Variants in SYT7 observed in about 807,000 individuals in gnomAD.
SYT7 encodes the protein synaptotagmin-7.
In SYT7, 29 loss-of-function variants were observed where a neutral mutation model predicts 75.1. The ratio of observed to expected loss-of-function variants is 0.39; its 90% CI spans 0.29 to 0.53. The LOEUF (loss-of-function observed/expected upper bound fraction) is 0.53. Ranked by LOEUF, SYT7 falls within the 20% of genes least tolerant of loss-of-function variation. SYT7 has a pLI of 0.77. For missense variants in SYT7, 693 were observed against 953.2 expected (o/e 0.73, Z 3.59); for synonymous variants, 376 against 401.7 (o/e 0.94, Z 0.76).
At chr11:61,532,827 G>A (rs903236569) in intron 8 of SYT7, among the ~76,000 whole-genome samples, 162 bp downstream of exon 8, 6 of 152,174 alleles carry the variant, frequency 3.9e-5, no homozygotes, top group African/African-American at 7.2e-5. Flanking sequence ...ACCAAGCGCC[G>A]AGTGGCCACC....
rs1253801626 is a variant in SYT7 at position 61,576,084 on chromosome 11, G to C, written c.31+4706C>G. Among the ~76,000 whole-genome samples the C allele has an allele frequency of 6.6e-6, 1 of 152,232 alleles. No individual in the cohort carries two copies. The highest frequency in any genetic ancestry group is 1.5e-5 in the Non-Finnish European group (1 of 68,048). On this transcript the variant is annotated intron_variant, in intron 1 of 12. Transcript: ENST00000539008. The surrounding 1 kb of genome is among the most constrained non-coding windows in gnomAD (Gnocchi z 4.1). ...CCCGCCTTCCAACCAACTGGACCTG[G>C]AATTCCAGGCCAAAGCTCTGGGCAC...
At chr11:61,541,199 C>T in intron 6 of SYT7, 1 of 985,742 alleles carries the variant, frequency 1.0e-6, no homozygotes, top group South Asian at 4.7e-5. Context: ...CTTCCCTTTC[C>T]TCCTCCCTTT....
In SYT7 at chr11:61,523,296, G is replaced by C; in HGVS notation, c.1757-22C>G. The C allele has an allele frequency of 6.2e-7, 1 of 1,610,714 alleles. No homozygotes were observed. Among genetic ancestry groups the C allele is most frequent in the Non-Finnish European group, 8.5e-7 (1 of 1,176,980 alleles). ...GGGTCTAGGGGAGGGAGTGGGGAAGGGTTAGAGGGACCGTGGGGGAGGGAC... is the reference window on the plus strand; with the variant it reads ...GGGTCTAGGGGAGGGAGTGGGGAAGCGTTAGAGGGACCGTGGGGGAGGGAC... On this transcript the variant is annotated intron_variant, in intron 11 of 12. Transcript: ENST00000539008. The surrounding 1 kb of genome is among the most constrained non-coding windows in gnomAD (Gnocchi z 5.0).
intron 1 of SYT7, among the ~76,000 whole-genome samples, chr11:61,573,586 T>C (rs1033403695): frequency 1.3e-5 from 2 of 152,262 alleles, no homozygotes; most frequent in African/African-American, 2.4e-5. Context: ...CTCCATGCCT[T>C]ACTTTTTAAA....
intron 6 of SYT7, chr11:61,541,398 A>C: frequency 8.5e-6 from 5 of 588,464 alleles, no homozygotes; most frequent in Non-Finnish European, 1.0e-5. Context: ...ATGTCCAGAG[A>C]GATGCTGGGG....
chr11:61,515,022 G>A lies in SYT7; in HGVS notation c.*3605C>T, dbSNP rs571812095. Among the ~76,000 whole-genome samples, 2 of 152,318 alleles carry A rather than the reference G, an allele frequency of 1.3e-5. No homozygotes were observed. Among genetic ancestry groups the A allele is most frequent in the East Asian group, 3.9e-4 (2 of 5,182 alleles). ...ACGTCAGGCTGGGTGACCCTGGAGG[G>A]CACCCCTGAGGCCTAGAGAGGACTC... On this transcript the variant is annotated 3_prime_UTR_variant, in exon 13 of 13. Coordinates refer to ENST00000539008, the MANE Select transcript of SYT7 (RefSeq NM_001365809.2).
intron 12 of SYT7, among the ~76,000 whole-genome samples, chr11:61,521,203 G>A (rs1688145375): frequency 6.6e-6 from 1 of 152,366 alleles, no homozygotes; most frequent in East Asian, 1.9e-4. Flanking sequence ...TCCAGGGGCT[G>A]AGCAGGAGCT....
chr11:61,560,631 G>A (rs2063613024), intron 1 of SYT7, among the ~76,000 whole-genome samples: 1 of 152,204 alleles, frequency 6.6e-6, no homozygotes, highest in Admixed American at 6.5e-5. Flanking sequence ...GATGTCCTCG[G>A]CCAGCATGCC....
chr11:61,540,420 G>T, intron 6 of SYT7: 1 of 796,302 alleles, frequency 1.3e-6, no homozygotes. Context: ...TTAGAGGGTT[G>T]TTTTAAAGAA....
In SYT7 at chr11:61,551,355, C is replaced by T. The variant is rs1237287171; in HGVS notation, c.215+29G>A. The T allele has an allele frequency of 1.9e-6, 3 of 1,610,842 alleles. No individual in the cohort carries two copies. The Admixed American group carries it at 5.0e-5, about 27-fold the overall frequency. ...TCCCACCTGGGCTGCTTGTGTGGCC[C>T]CATCCCAAACTAGCAGCCTGGCACC... is the stretch of plus-strand genomic sequence containing the variant. On this transcript the variant is annotated intron_variant, in intron 3 of 12. Coordinates refer to ENST00000539008, the MANE Select transcript of SYT7 (RefSeq NM_001365809.2). The surrounding 1 kb of genome is among the most constrained non-coding windows in gnomAD (Gnocchi z 5.3).
chr11:61,580,712 G>T lies in SYT7; in HGVS notation c.31+78C>A. On this transcript the variant is annotated intron_variant, in intron 1 of 12. Coordinates refer to ENST00000539008, the MANE Select transcript of SYT7 (RefSeq NM_001365809.2). The surrounding 1 kb of genome is among the most constrained non-coding windows in gnomAD (Gnocchi z 6.1). ...GGGCGGACAACAGCCCCAGGCTGGG[G>T]CTCCGAGACGGCGTCCGGCGCTGCC... 1 of 1,003,092 alleles carries T rather than the reference G, an allele frequency of 1.0e-6. No individual in the cohort carries two copies. The highest frequency in any genetic ancestry group is 1.3e-6 in the Non-Finnish European group (1 of 785,798). 62.1% of individuals were successfully genotyped at this position (1,003,092 alleles called of 1,614,324 possible).
chr11:61,523,305 G>A lies in SYT7; in HGVS notation c.1757-31C>T, dbSNP rs777474541. 3.8e-6 allele frequency: 6 copies of A among 1,599,604 alleles called. No individual in the cohort carries two copies. The highest frequency in any genetic ancestry group is 2.6e-6 in the Non-Finnish European group (3 of 1,167,162). On this transcript the variant is annotated intron_variant, in intron 11 of 12. Coordinates refer to ENST00000539008, the MANE Select transcript of SYT7 (RefSeq NM_001365809.2). The surrounding 1 kb of genome is among the most constrained non-coding windows in gnomAD (Gnocchi z 5.0). The stretch of plus-strand genomic sequence containing the variant: ...GGAGGGAGTGGGGAAGGGTTAGAGG[G>A]ACCGTGGGGGAGGGACTTCCTAGGA...
At chr11:61,533,692 A>T in intron 7 of SYT7, 1 of 984,938 alleles carries the variant, frequency 1.0e-6, no homozygotes. Context: ...CTCCACAGTG[A>T]CAGAGTGTTC....
At chr11:61,520,535 G>T (rs1391058682) in intron 12 of SYT7, among the ~76,000 whole-genome samples, 1 of 149,558 alleles carries the variant, frequency 6.7e-6, no homozygotes, top group Non-Finnish European at 1.5e-5. Flanking sequence ...AAAAAAAAAA[G>T]ATAGGGAGGT....
intron 12 of SYT7, among the ~76,000 whole-genome samples, chr11:61,522,390 A>G (rs2062369798): frequency 1.3e-5 from 2 of 151,812 alleles, no homozygotes; most frequent in African/African-American, 4.8e-5. Flanking sequence ...GGGTTTCACC[A>G]TGTTGGCCAG....
chr11:61,560,668 A>T (rs1242928483), intron 1 of SYT7, among the ~76,000 whole-genome samples: 2 of 152,100 alleles, frequency 1.3e-5, no homozygotes, highest in East Asian at 1.9e-4. Flanking sequence ...CCTAAGGGGG[A>T]TGTCGCCATC....
chr11:61,532,151 G>A (rs1430063578), intron 8 of SYT7, among the ~76,000 whole-genome samples: 1 of 152,152 alleles, frequency 6.6e-6, no homozygotes. Flanking sequence ...CTACAGAAGG[G>A]AGGGGTTGAA....
rs2135329244 is a variant in SYT7 at position 61,553,741 on chromosome 11, G to A, written c.136-2278C>T. On this transcript the variant is annotated intron_variant, in intron 2 of 12. Transcript: ENST00000539008. This position sits in a 1 kb window ranked among gnomAD's most constrained non-coding sequence, Gnocchi z 5.2. ...CCAGCCTGCTTCTCAGGGAGGGGTG[G>A]CCAGGCTGATCCGGAAAAAGCCAGC... is the stretch of plus-strand genomic sequence containing the variant. Among the ~76,000 whole-genome samples the A allele has an allele frequency of 6.6e-6, 1 of 152,358 alleles. No individual in the cohort carries two copies. Among genetic ancestry groups the A allele is most frequent in the South Asian group, 2.1e-4 (1 of 4,832 alleles).
chr11:61,563,831 C>G (rs2063701359), intron 1 of SYT7, among the ~76,000 whole-genome samples: 1 of 152,212 alleles, frequency 6.6e-6, no homozygotes, highest in African/African-American at 2.4e-5. Context: ...TTAGCTCTTT[C>G]TGTGTCCTTC....
Sources: allele counts gnomAD v4.1 joint callset (sites outside exome capture counted in the v4.1 genomes callset), GRCh38; gene constraint gnomAD v4.1.1; non-coding constraint Gnocchi (gnomAD v3.1); transcripts MANE v1.5; gene names NCBI Gene and HGNC (gene_info 2026-07-23, HGNC 2026-07-21).